PDZD2: variants seen among roughly 807,000 people sequenced by gnomAD.
The protein encoded by PDZD2 is PDZ domain-containing protein 2.
In PDZD2, 90 loss-of-function variants were observed where a neutral mutation model predicts 220.7. That is an observed-to-expected ratio of 0.41 (90% CI 0.34 to 0.49). PDZD2 has a LOEUF of 0.49. PDZD2 is among the 20% of genes least tolerant of loss of function. The pLI is 0.28. For synonymous variants in PDZD2, 1,375 were observed against 1,450.5 expected (o/e 0.95, Z 1.18); for missense variants, 3,174 against 3,608.5 (o/e 0.88, Z 3.08).
chr5:31,976,247 T>C (rs1197945765), intron 2 of PDZD2, among the ~76,000 whole-genome samples: 1 of 152,262 alleles, frequency 6.6e-6, no homozygotes, highest in East Asian at 1.9e-4. Flanking sequence ...TTAATCTGTA[T>C]AGATTTAACA....
At chr5:32,069,533 A>G in intron 14 of PDZD2, 36 bp from the exon 15 acceptor site, 2 of 1,192,736 alleles carry the variant, frequency 1.7e-6, no homozygotes, top group Non-Finnish European at 2.5e-6. Flanking sequence ...ATAAATAAAT[A>G]AAACCATCTA....
intron 2 of PDZD2, among the ~76,000 whole-genome samples, chr5:31,817,126 C>T (rs995187872): frequency 4.3e-5 from 6 of 140,896 alleles, no homozygotes; most frequent in Admixed American, 7.8e-5. Flanking sequence ...GTGGAGCTTG[C>T]GGTGAGCCGA....
chr5:31,943,534 C>T (rs891051283), intron 2 of PDZD2, among the ~76,000 whole-genome samples: 1 of 152,136 alleles, frequency 6.6e-6, no homozygotes, highest in African/African-American at 2.4e-5. Context: ...TGGGAATGTA[C>T]ATTCGGAATG....
chr5:31,641,548 T>TA (rs1744948489), intron 1 of PDZD2, among the ~76,000 whole-genome samples: 1 of 99,074 alleles, frequency 1.0e-5, no homozygotes, highest in African/African-American at 6.5e-5. Flanking sequence ...GTGTGAGATA[T>TA]TTTTTTTTTT....
intron 1 of PDZD2, among the ~76,000 whole-genome samples, chr5:31,733,569 G>C (rs1749662327): frequency 6.6e-6 from 1 of 152,130 alleles, no homozygotes; most frequent in African/African-American, 2.4e-5. Flanking sequence ...ACTTTTTCTG[G>C]AACCAGTGTG....
intron 2 of PDZD2, among the ~76,000 whole-genome samples, chr5:31,947,907 A>C (rs147977654): frequency 3.3e-5 from 5 of 152,104 alleles, no homozygotes; most frequent in African/African-American, 1.2e-4. Flanking sequence ...AAGGAAGGCC[A>C]AGCGAACAAT....
At chr5:31,933,429 C>T (rs970855375) in intron 2 of PDZD2, among the ~76,000 whole-genome samples, 2 of 152,044 alleles carry the variant, frequency 1.3e-5, no homozygotes, top group Non-Finnish European at 2.9e-5. Context: ...TGTCTGCTTT[C>T]GGTTCTTGGG....
intron 2 of PDZD2, among the ~76,000 whole-genome samples, chr5:31,889,044 G>A (rs564122349): frequency 2.0e-5 from 3 of 152,096 alleles, no homozygotes; most frequent in Admixed American, 6.5e-5. Context: ...TATGTTTTGC[G>A]GGTTGTTCTG....
At chr5:31,791,718 A>G (rs1019293735) in intron 1 of PDZD2, among the ~76,000 whole-genome samples, 2 of 152,152 alleles carry the variant, frequency 1.3e-5, no homozygotes, top group African/African-American at 4.8e-5. Flanking sequence ...AACATTCAGC[A>G]GTAGGCAATT....
At chr5:31,766,439 G>C (rs558488220) in intron 1 of PDZD2, among the ~76,000 whole-genome samples, 10 of 152,216 alleles carry the variant, frequency 6.6e-5, no homozygotes, top group African/African-American at 1.9e-4. Flanking sequence ...GAGTGCAGTG[G>C]TGCGGGATCA....
At chr5:31,959,786 A>C (rs988771282) in intron 2 of PDZD2, among the ~76,000 whole-genome samples, 1 of 152,192 alleles carries the variant, frequency 6.6e-6, no homozygotes. Flanking sequence ...ATTCTCTGAC[A>C]GTTCTAGAGA....
intron 21 of PDZD2, among the ~76,000 whole-genome samples, chr5:32,097,069 C>T (rs562541635): frequency 1.6e-4 from 24 of 151,810 alleles, no homozygotes; most frequent in African/African-American, 3.9e-4. Context: ...TCAAGAGATC[C>T]GCCCCCTTGG....
chr5:31,752,088 T>TTTTTTTTTTTTTTTC (rs1561431820), intron 1 of PDZD2, among the ~76,000 whole-genome samples: 1 of 141,022 alleles, frequency 7.1e-6, no homozygotes, highest in Non-Finnish European at 1.5e-5. Flanking sequence ...TTTTTTTTTT[T>TTTTTTTTTTTTTTTC]TTCTGAGACA....
intron 7 of PDZD2, among the ~76,000 whole-genome samples, chr5:32,043,003 A>G (rs1387003957): frequency 2.6e-5 from 4 of 152,210 alleles, no homozygotes; most frequent in Non-Finnish European, 5.9e-5. Context: ...CACTCAGTCA[A>G]TGCCGGGAAA....
intron 2 of PDZD2, among the ~76,000 whole-genome samples, chr5:31,833,745 T>C (rs1756776589): frequency 6.6e-6 from 1 of 152,206 alleles, no homozygotes; most frequent in Non-Finnish European, 1.5e-5. Context: ...GTAAAACCTT[T>C]AGGGCAGAGC....
At chr5:31,905,390 T>C (rs1742552337) in intron 2 of PDZD2, among the ~76,000 whole-genome samples, 1 of 152,216 alleles carries the variant, frequency 6.6e-6, no homozygotes, top group Non-Finnish European at 1.5e-5. Flanking sequence ...GCTGAAGTGG[T>C]TTGATAGTCT....
chr5:31,989,804 G>A (rs576542313), intron 3 of PDZD2, among the ~76,000 whole-genome samples: 63 of 152,300 alleles, frequency 4.1e-4, no homozygotes, highest in African/African-American at 1.5e-3. Flanking sequence ...ATTGTGAATA[G>A]TGCAGGGCGG....
chr5:31,682,534 G>C lies in PDZD2; in HGVS notation c.-361+43097G>C, dbSNP rs1746689722. On this transcript the variant is annotated intron_variant, in intron 1 of 24. Transcript: ENST00000438447. ...TACTATTAACTTTGTATTTAAATAA[G>C]AGTGTAATTTTAAAGGTTAAAGAAA... 1.3e-5 allele frequency among the ~76,000 whole-genome samples: 2 copies of C among 152,154 alleles called. 1 individual carries two copies. The highest frequency in any genetic ancestry group is 4.1e-4 in the South Asian group (2 of 4,832).
intron 1 of PDZD2, among the ~76,000 whole-genome samples, chr5:31,753,755 C>G (rs1413011281): frequency 2.6e-5 from 4 of 152,194 alleles, no homozygotes; most frequent in African/African-American, 9.7e-5. Flanking sequence ...CAAGTGATTC[C>G]ATTCTTTTCT....
Sources: allele counts gnomAD v4.1 joint callset (sites outside exome capture counted in the v4.1 genomes callset), GRCh38; gene constraint gnomAD v4.1.1; transcripts MANE v1.5; gene names NCBI Gene and HGNC (gene_info 2026-07-23, HGNC 2026-07-21).